The following ARHGAP23 variants were observed in gnomAD, a reference collection of about 807,000 sequenced individuals.
The protein encoded by ARHGAP23 is rho GTPase-activating protein 23.
A neutral mutation model predicts 136.3 loss-of-function variants in ARHGAP23; 34 were observed. The observed-to-expected ratio is 0.25, with a 90% CI of 0.19 to 0.33. The LOEUF is 0.33. Among genes scored for constraint, ARHGAP23 ranks in the 10% least tolerant of loss-of-function variants. The pLI, the probability that ARHGAP23 is intolerant of heterozygous loss-of-function variation, is 1.00. For missense variants in ARHGAP23, 1,808 were observed against 2,139.0 expected (o/e 0.85, Z 3.05); for synonymous variants, 832 against 920.5 (o/e 0.90, Z 1.74).
intron 1 of ARHGAP23, among the ~76,000 whole-genome samples, chr17:38,439,249 C>T (rs1297785934): frequency 6.6e-6 from 1 of 152,020 alleles, no homozygotes; most frequent in Non-Finnish European, 1.5e-5. Flanking sequence ...GTCTCTTTCC[C>T]TTGTCTAGAA....
At chr17:38,464,814 G>A (rs2039544991) in intron 6 of ARHGAP23, among the ~76,000 whole-genome samples, 1 of 152,176 alleles carries the variant, frequency 6.6e-6, no homozygotes, top group African/African-American at 2.4e-5. Context: ...GCATCTGGGG[G>A]CCTCCACTGG....
intron 23 of ARHGAP23, among the ~76,000 whole-genome samples, chr17:38,507,222 C>T (rs1392450093): frequency 1.3e-5 from 2 of 151,242 alleles, no homozygotes; most frequent in African/African-American, 2.4e-5. Flanking sequence ...TACAGTGAAC[C>T]GAGATTGCGC....
At position 38,464,153 on chromosome 17, in the gene ARHGAP23, G is replaced by A. The variant is rs116373795; in HGVS notation, c.483+771G>A. 1.6e-3 allele frequency among the ~76,000 whole-genome samples: 249 copies of A among 152,116 alleles called. 2 individuals carry two copies. Among genetic ancestry groups the A allele is most frequent in the African/African-American group, 5.4e-3 (224 of 41,488 alleles). On this transcript the variant is annotated intron_variant, in intron 6 of 23. Coordinates refer to ENST00000622683, the MANE Select transcript of ARHGAP23 (RefSeq NM_001199417.2). ...TCCTCCTGCCCATCTCAGCACGTGC[G>A]CCCACCCGTGTCACAGGACTCCAAA...
chr17:38,450,055 C>T (rs1437250680), intron 1 of ARHGAP23, among the ~76,000 whole-genome samples: 69 of 152,328 alleles, frequency 4.5e-4, no homozygotes, highest in South Asian at 6.2e-4. Context: ...TGTCTGGCCC[C>T]ACCCTCAAAA....
At chr17:38,463,636 C>G (rs1273047073) in intron 6 of ARHGAP23, among the ~76,000 whole-genome samples, 7 of 152,162 alleles carry the variant, frequency 4.6e-5, no homozygotes, top group Non-Finnish European at 7.4e-5. Context: ...CCAGCAGGCT[C>G]TGCCAGCCTG....
intron 10 of ARHGAP23, among the ~76,000 whole-genome samples, chr17:38,470,126 G>A (rs576374872): frequency 9.8e-5 from 15 of 152,292 alleles, no homozygotes; most frequent in Non-Finnish European, 2.2e-4. Flanking sequence ...ATGGGCCCTC[G>A]TCTGGACTGC....
chr17:38,467,385 G>A, intron 7 of ARHGAP23, 54 bp downstream of exon 7: 1 of 1,441,082 alleles, frequency 6.9e-7, no homozygotes, highest in Non-Finnish European at 9.2e-7. Flanking sequence ...GGCTGTCTGT[G>A]TCCTGCTGTA....
intron 23 of ARHGAP23, among the ~76,000 whole-genome samples, chr17:38,501,573 T>C (rs991817888): frequency 1.3e-5 from 2 of 152,092 alleles, no homozygotes; most frequent in African/African-American, 4.8e-5. Flanking sequence ...AGTGCTGGGA[T>C]TACAGGCGTG....
chr17:38,434,723 C>T (rs1337651393), intron 1 of ARHGAP23, among the ~76,000 whole-genome samples: 2 of 151,234 alleles, frequency 1.3e-5, no homozygotes, highest in Admixed American at 6.6e-5. Flanking sequence ...GTTTCTGTCT[C>T]CTATCTGACT....
At position 38,466,238 on chromosome 17, in the gene ARHGAP23, A is replaced by C. The variant is rs2039589096; in HGVS notation, c.555A>C (p.Pro185=). 6.5e-7 allele frequency: 1 copy of C among 1,542,676 alleles called. No homozygotes were observed. Among genetic ancestry groups the C allele is most frequent in the African/African-American group, 1.4e-5 (1 of 71,374 alleles). The change falls in exon 7 of 24, where the codon CCA becomes CCC. Residue 185 remains proline, a synonymous_variant. Transcript: ENST00000622683. ...YSGEARSIPE[P]PPICYPRKTY... ...GAGAGGCCCGCAGCATCCCAGAGCC[A>C]CCCCCGATCTGCTACCCCCGCAAGA...
At chr17:38,437,908 G>A (rs893214628) in intron 1 of ARHGAP23, among the ~76,000 whole-genome samples, 4 of 152,178 alleles carry the variant, frequency 2.6e-5, no homozygotes, top group Admixed American at 2.0e-4. Context: ...CGTGAGTGGC[G>A]TGGGGGACCC....
At chr17:38,504,337 C>T (rs2040582461) in intron 23 of ARHGAP23, among the ~76,000 whole-genome samples, 1 of 152,224 alleles carries the variant, frequency 6.6e-6, no homozygotes, top group South Asian at 2.1e-4. Flanking sequence ...GTCTCAGTCT[C>T]ATCTACTGGG....
At chr17:38,480,803 C>CA (rs764004002) in intron 14 of ARHGAP23, among the ~76,000 whole-genome samples, 1,417 of 47,762 alleles carry the variant, frequency 0.03, 19 homozygotes, top group Middle Eastern at 0.12. Context: ...GACCCTGTCT[C>CA]AAAAAAAAAA....
chr17:38,446,670 G>C (rs987491302), intron 1 of ARHGAP23, among the ~76,000 whole-genome samples: 1 of 149,516 alleles, frequency 6.7e-6, no homozygotes. Context: ...GGAGTGCAAC[G>C]GCGCGCTCTT....
At chr17:38,499,377 C>T (rs1021256475) in intron 22 of ARHGAP23, among the ~76,000 whole-genome samples, 3 of 152,384 alleles carry the variant, frequency 2.0e-5, no homozygotes, top group African/African-American at 7.2e-5. Flanking sequence ...CCTCTTCCTG[C>T]TTAAGAAACC....
chr17:38,441,244 C>A (rs552558761), intron 1 of ARHGAP23, among the ~76,000 whole-genome samples: 1 of 152,254 alleles, frequency 6.6e-6, no homozygotes, highest in African/African-American at 2.4e-5. Context: ...CCATTTCAGG[C>A]CCCCTGTGCA....
chr17:38,427,928 G>GTC (rs1567768010), upstream of ARHGAP23, among the ~76,000 whole-genome samples: 1 of 152,106 alleles, frequency 6.6e-6, no homozygotes, highest in African/African-American at 2.4e-5. Context: ...GCCTTTTTCT[G>GTC]TCTTCCCCCC....
In ARHGAP23 at chr17:38,510,675, G is replaced by T; in HGVS notation, c.4179G>T (p.Ser1393=). Residue 1393 remains serine, a synonymous_variant, in exon 24 of 24, where the codon TCG becomes TCT. Transcript: ENST00000622683. The surrounding 1 kb of genome is among the most constrained non-coding windows in gnomAD (Gnocchi z 4.6). The part of the protein sequence containing the change: ...MLAVRLRRPL[S]PETRRRRSSW... ...CCGTGCGCCTGCGGCGGCCGCTGTCGCCCGAGACCCGGCGGCGCCGGAGCA... is the reference window on the plus strand; with the variant it reads ...CCGTGCGCCTGCGGCGGCCGCTGTCTCCCGAGACCCGGCGGCGCCGGAGCA... 1 of 1,401,460 alleles carries T rather than the reference G, an allele frequency of 7.1e-7. No individual in the cohort carries two copies. The highest frequency in any genetic ancestry group is 9.2e-7 in the Non-Finnish European group (1 of 1,086,362). The allele number at this position is 1,401,460 out of a possible 1,614,324, so 86.8% of individuals were successfully genotyped here. A position where few individuals can be genotyped will look rare whatever the true frequency, so the allele number is the denominator to read the frequency against.
intron 1 of ARHGAP23, among the ~76,000 whole-genome samples, chr17:38,443,702 T>TGAGGG (rs1255682186): frequency 5.1e-4 from 25 of 48,992 alleles, no homozygotes; most frequent in Non-Finnish European, 9.3e-4. Flanking sequence ...AGGGGGTGGG[T>TGAGGG]GGTTTCAGGG....
Sources: allele counts gnomAD v4.1 joint callset (sites outside exome capture counted in the v4.1 genomes callset), GRCh38; gene constraint gnomAD v4.1.1; non-coding constraint Gnocchi (gnomAD v3.1); transcripts MANE v1.5; gene names NCBI Gene and HGNC (gene_info 2026-07-23, HGNC 2026-07-21).